The following USH2A variants were observed in gnomAD, a reference collection of about 807,000 sequenced individuals.
The protein encoded by USH2A is usherin.
USH2A carries 443 observed loss-of-function variants against 538.9 expected under a neutral mutation model. The ratio of observed to expected loss-of-function variants is 0.82; its 90% CI spans 0.76 to 0.89. USH2A has a LOEUF of 0.89. Among genes scored for constraint, USH2A ranks in the 40% least tolerant of loss-of-function variants. USH2A has a pLI of 0.00. For synonymous variants in USH2A, 2,413 were observed against 2,273.5 expected (o/e 1.06, Z -1.75); for missense variants, 6,633 against 6,324.8 (o/e 1.05, Z -1.65).
intron 32 of USH2A, 68 bp downstream of exon 32, chr1:216,046,363 C>T: frequency 6.3e-7 from 1 of 1,589,126 alleles, no homozygotes; most frequent in Non-Finnish European, 8.6e-7. Flanking sequence ...ATATCGAGAG[C>T]CAACTATATG....
chr1:215,994,336 T>C (rs1299574198), intron 34 of USH2A, among the ~76,000 whole-genome samples: 2 of 152,180 alleles, frequency 1.3e-5, no homozygotes, highest in Non-Finnish European at 2.9e-5. Context: ...ATTCTTAAAG[T>C]AGTCGATATT....
At chr1:216,065,947 C>A (rs189504956) in intron 30 of USH2A, among the ~76,000 whole-genome samples, 1 of 151,816 alleles carries the variant, frequency 6.6e-6, no homozygotes, top group East Asian at 1.9e-4. Context: ...ATGGACCTAC[C>A]TAGGCACATC....
chr1:216,179,589 G>T (rs2034453764), intron 20 of USH2A, among the ~76,000 whole-genome samples: 1 of 152,084 alleles, frequency 6.6e-6, no homozygotes, highest in African/African-American at 2.4e-5. Flanking sequence ...CTGTTTGAAA[G>T]GGTGAACATC....
chr1:216,389,250 ACTGT>A (rs1344877257), intron 3 of USH2A, among the ~76,000 whole-genome samples: 1 of 152,194 alleles, frequency 6.6e-6, no homozygotes, highest in African/African-American at 2.4e-5. Context: ...TACTGTGAAT[ACTGT>A]CTAAGCAGTA....
chr1:216,281,491 G>A (rs749242720), intron 11 of USH2A, among the ~76,000 whole-genome samples: 15 of 151,874 alleles, frequency 9.9e-5, no homozygotes, highest in Non-Finnish European at 2.1e-4. Context: ...TCTATTCTTC[G>A]TCCGTCTTCC....
At chr1:215,663,643 C>T (rs1480354111) in intron 64 of USH2A, among the ~76,000 whole-genome samples, 2 of 152,092 alleles carry the variant, frequency 1.3e-5, no homozygotes, top group Non-Finnish European at 2.9e-5. Flanking sequence ...CCTCTGTTCT[C>T]TTGGTTCACA....
At chr1:215,947,912 C>A (rs574137998) in intron 37 of USH2A, among the ~76,000 whole-genome samples, 2 of 152,106 alleles carry the variant, frequency 1.3e-5, no homozygotes, top group East Asian at 1.9e-4. Flanking sequence ...CAGAGTAAAT[C>A]ATTAAATAGG....
intron 11 of USH2A, among the ~76,000 whole-genome samples, chr1:216,272,589 C>A (rs759840305): frequency 1.6e-4 from 25 of 152,054 alleles, no homozygotes; most frequent in South Asian, 4.1e-4. Context: ...TAATGTCCTG[C>A]CTGCTACTCG....
At chr1:216,317,044 T>C (rs2037522462) in intron 9 of USH2A, among the ~76,000 whole-genome samples, 1 of 152,226 alleles carries the variant, frequency 6.6e-6, no homozygotes, top group Admixed American at 6.5e-5. Flanking sequence ...CTGTTCACTC[T>C]GACCATAGTT....
At chr1:216,013,664 T>C (rs1177111224) in intron 32 of USH2A, among the ~76,000 whole-genome samples, 7 of 151,398 alleles carry the variant, frequency 4.6e-5, no homozygotes, top group African/African-American at 1.7e-4. Context: ...CTGAGTACCT[T>C]GTGACCCCCA....
intron 23 of USH2A, among the ~76,000 whole-genome samples, chr1:216,087,398 CA>C (rs2032167613): frequency 6.6e-6 from 1 of 152,070 alleles, no homozygotes; most frequent in Non-Finnish European, 1.5e-5. Context: ...AACATGTTCT[CA>C]ACTGAACTTT....
At chr1:215,976,078 G>A (rs1667613551) in intron 35 of USH2A, among the ~76,000 whole-genome samples, 1 of 152,042 alleles carries the variant, frequency 6.6e-6, no homozygotes, top group South Asian at 2.1e-4. Context: ...TGTGGCTATT[G>A]TAAATGAGAT....
intron 47 of USH2A, among the ~76,000 whole-genome samples, chr1:215,821,564 C>T (rs1350750844): frequency 6.6e-6 from 1 of 151,816 alleles, no homozygotes; most frequent in Non-Finnish European, 1.5e-5. Context: ...TATGGCATGT[C>T]TATTCACTTT....
chr1:215,748,085 G>T (rs1660531075), intron 58 of USH2A, among the ~76,000 whole-genome samples: 1 of 151,954 alleles, frequency 6.6e-6, no homozygotes, highest in Non-Finnish European at 1.5e-5. Context: ...TAGAGACGGG[G>T]TTTCACCTTG....
At chr1:215,721,139 A>G (rs189066965) in intron 61 of USH2A, among the ~76,000 whole-genome samples, 217 of 152,118 alleles carry the variant, frequency 1.4e-3, no homozygotes, top group African/African-American at 4.9e-3. Context: ...CAATGGTGCA[A>G]TCTCGGCTCT....
intron 38 of USH2A, among the ~76,000 whole-genome samples, chr1:215,908,453 T>C (rs1036143662): frequency 8.6e-5 from 13 of 151,922 alleles, no homozygotes; most frequent in Non-Finnish European, 1.6e-4. Context: ...TTAAAAGTAC[T>C]ATCTGTATTT....
chr1:215,913,926 T>G lies in USH2A; in HGVS notation c.7301-13021A>C, dbSNP rs545736774. ...GAAAACTATAGATATCCTTTATAATTTATTAACCTGCATAATTACCAAAAT... is the reference window on the plus strand; with the variant it reads ...GAAAACTATAGATATCCTTTATAATGTATTAACCTGCATAATTACCAAAAT... On this transcript the variant is annotated intron_variant, in intron 38 of 71. Coordinates refer to ENST00000307340, the MANE Select transcript of USH2A (RefSeq NM_206933.4). 2.0e-5 allele frequency among the ~76,000 whole-genome samples: 3 copies of G among 152,092 alleles called. No individual in the cohort carries two copies. In the East Asian group the frequency reaches 5.8e-4, roughly 30 times the overall value.
At chr1:216,376,481 C>T (rs2038823125) in intron 3 of USH2A, among the ~76,000 whole-genome samples, 1 of 97,504 alleles carries the variant, frequency 1.0e-5, no homozygotes, top group South Asian at 3.6e-4. Context: ...TGATAAATCC[C>T]TATTCTTTCA....
chr1:216,022,592 G>A (rs984239848), intron 32 of USH2A, among the ~76,000 whole-genome samples: 1 of 152,134 alleles, frequency 6.6e-6, no homozygotes, highest in African/African-American at 2.4e-5. Flanking sequence ...AATCTACTCA[G>A]TATTCTTTTA....
Sources: gnomAD v4.1 joint callset for allele counts (sites outside exome capture counted in the v4.1 genomes callset) on GRCh38, gnomAD v4.1.1 for gene constraint, MANE v1.5 for transcripts, NCBI Gene and HGNC (gene_info 2026-07-23, HGNC 2026-07-21) for gene names.